Variants in XKR4 observed in about 807,000 individuals in gnomAD.
XKR4 encodes the protein XK-related protein 4.
Under a neutral mutation model 53.9 loss-of-function variants are expected in XKR4, and 12 were observed. The observed-to-expected ratio is 0.22, with a 90% CI of 0.14 to 0.36. The LOEUF (loss-of-function observed/expected upper bound fraction) is 0.36. Among genes scored for constraint, XKR4 ranks in the 10% least tolerant of loss-of-function variants. The pLI, the probability that XKR4 is intolerant of heterozygous loss-of-function variation, is 1.00. For synonymous variants in XKR4, 354 were observed against 362.4 expected, an observed-to-expected ratio of 0.98 and a Z score of 0.26; for missense variants, 799 against 859.5, an observed-to-expected ratio of 0.93 and a Z score of 0.88.
intron 2 of XKR4, among the ~76,000 whole-genome samples, chr8:55,378,690 G>GGA (rs1489103879): frequency 2.0e-5 from 3 of 152,140 alleles, no homozygotes; most frequent in African/African-American, 4.8e-5. Context: ...ATAAAAAGGT[G>GGA]GAGAGAGAGA....
At chr8:55,455,750 G>A (rs962623785) in intron 2 of XKR4, among the ~76,000 whole-genome samples, 9 of 152,176 alleles carry the variant, frequency 5.9e-5, no homozygotes, top group African/African-American at 2.2e-4. Flanking sequence ...AGAAAGCCAG[G>A]TGGGAAAGTA....
chr8:55,425,624 C>G (rs1417439258), intron 2 of XKR4, among the ~76,000 whole-genome samples: 2 of 152,182 alleles, frequency 1.3e-5, no homozygotes, highest in Non-Finnish European at 2.9e-5. Flanking sequence ...TATCTTCTAT[C>G]TGTTGGAGTT....
intron 1 of XKR4, among the ~76,000 whole-genome samples, chr8:55,299,788 G>A (rs4738054): frequency 0.11 from 17,396 of 152,082 alleles, 1,921 homozygotes; most frequent in African/African-American, 0.29. Context: ...TGGGATATAG[G>A]GAAAGCAGCT....
intron 2 of XKR4, chr8:55,453,129 C>T: frequency 3.8e-6 from 2 of 528,342 alleles, no homozygotes; most frequent in Non-Finnish European, 7.6e-6. Flanking sequence ...CCCAGTAGAA[C>T]ACGGCCTCCC....
At chr8:55,127,195 A>C (rs1273880211) in intron 1 of XKR4, among the ~76,000 whole-genome samples, 5 of 151,410 alleles carry the variant, frequency 3.3e-5, no homozygotes, top group Non-Finnish European at 7.4e-5. Flanking sequence ...GTTAAAACCT[A>C]CTGAAGGCTA....
chr8:55,311,314 G>A (rs1819384883), intron 1 of XKR4, among the ~76,000 whole-genome samples: 1 of 152,164 alleles, frequency 6.6e-6, no homozygotes, highest in South Asian at 2.1e-4. Context: ...CCAGGAGAGG[G>A]CCTCAGTTCA....
intron 2 of XKR4, among the ~76,000 whole-genome samples, chr8:55,469,774 A>G (rs1303921037): frequency 6.6e-6 from 1 of 152,136 alleles, no homozygotes; most frequent in Non-Finnish European, 1.5e-5. Context: ...GCTATGAGCT[A>G]ACTAGGAACA....
intron 2 of XKR4, among the ~76,000 whole-genome samples, chr8:55,513,310 G>T (rs746370863): frequency 2.0e-5 from 3 of 152,164 alleles, no homozygotes; most frequent in Non-Finnish European, 4.4e-5. Context: ...ATGTTTTGTG[G>T]CATGTGGGCC....
At position 55,476,749 on chromosome 8, in the gene XKR4, G is replaced by A. The variant is rs367661107; in HGVS notation, c.1007-46532G>A. 8.5e-5 allele frequency among the ~76,000 whole-genome samples: 13 copies of A among 152,224 alleles called. No individual in the cohort carries two copies. The East Asian group carries it at 1.4e-3, about 16-fold the overall frequency. On this transcript the variant is annotated intron_variant, in intron 2 of 2. Coordinates refer to ENST00000327381, the MANE Select transcript of XKR4 (RefSeq NM_052898.2). ...ATGACACACCAGGAGATTATATCCCGCACCTGGCTCAGAGGGTCCTATGCC... is the reference window on the plus strand; with the variant it reads ...ATGACACACCAGGAGATTATATCCCACACCTGGCTCAGAGGGTCCTATGCC...
At chr8:55,449,953 A>C in intron 2 of XKR4, 1 of 862,976 alleles carries the variant, frequency 1.2e-6, no homozygotes, top group Non-Finnish European at 2.0e-6. Context: ...GCTGAGGCTC[A>C]AGGTGGAGCC....
rs1037912038 is a variant in XKR4, at chr8:55,534,223, T to G, written c.*9996T>G. 1 of 152,098 alleles carries G rather than the reference T, an allele frequency of 6.6e-6. No homozygotes were observed. Among genetic ancestry groups the G allele is most frequent in the Non-Finnish European group, 1.5e-5 (1 of 68,018 alleles). The allele number at this position is 152,098 out of a possible 1,614,324, so 9.4% of individuals were successfully genotyped here. On this transcript the variant is annotated 3_prime_UTR_variant, in exon 3 of 3. Transcript: ENST00000327381. The stretch of plus-strand genomic sequence containing the variant: ...AATCTGCATGGGTGCAGCTACTGAA[T>G]AATTTGATTCCTGCCTTCTTAGGTG...
intron 1 of XKR4, among the ~76,000 whole-genome samples, chr8:55,190,812 A>G (rs1328561118): frequency 1.3e-5 from 2 of 152,204 alleles, no homozygotes; most frequent in South Asian, 2.1e-4. Flanking sequence ...AAACTCGTAC[A>G]TGACGTGCAG....
chr8:55,141,053 ACAAT>A (rs921154128), intron 1 of XKR4, among the ~76,000 whole-genome samples: 1 of 152,272 alleles, frequency 6.6e-6, no homozygotes. Context: ...AAACATCACC[ACAAT>A]CAATTTTGTA....
chr8:55,153,136 C>T (rs558254224), intron 1 of XKR4, among the ~76,000 whole-genome samples: 67 of 152,290 alleles, frequency 4.4e-4, no homozygotes, highest in Middle Eastern at 3.4e-3. Context: ...TCAAGGTCCA[C>T]ACTTGCCACA....
intron 1 of XKR4, among the ~76,000 whole-genome samples, chr8:55,131,776 T>A (rs899751582): frequency 6.6e-6 from 1 of 152,080 alleles, no homozygotes. Context: ...GATAGAGTAT[T>A]GCTCTACCGT....
At chr8:55,212,516 G>A (rs1480069409) in intron 1 of XKR4, among the ~76,000 whole-genome samples, 1 of 152,244 alleles carries the variant, frequency 6.6e-6, no homozygotes. Context: ...AATTCCAAGC[G>A]GAGGGAGGTA....
At chr8:55,318,654 A>G (rs1160965636) in intron 1 of XKR4, among the ~76,000 whole-genome samples, 5 of 152,186 alleles carry the variant, frequency 3.3e-5, no homozygotes, top group Non-Finnish European at 1.5e-5. Context: ...TAACATTACA[A>G]TGAATTTTTG....
At chr8:55,514,571 C>A (rs1368599158) in intron 2 of XKR4, among the ~76,000 whole-genome samples, 1 of 152,122 alleles carries the variant, frequency 6.6e-6, no homozygotes, top group Non-Finnish European at 1.5e-5. Flanking sequence ...CTAGCCATGT[C>A]ATTCATGGAC....
At chr8:55,512,833 C>G (rs1806649925) in intron 2 of XKR4, among the ~76,000 whole-genome samples, 2 of 152,136 alleles carry the variant, frequency 1.3e-5, no homozygotes, top group Admixed American at 6.5e-5. Flanking sequence ...CCTTGAGAAA[C>G]TCTCCCACCA....
Sources: allele counts gnomAD v4.1 joint callset (sites outside exome capture counted in the v4.1 genomes callset), GRCh38; gene constraint gnomAD v4.1.1; transcripts MANE v1.5; gene names NCBI Gene and HGNC (gene_info 2026-07-23, HGNC 2026-07-21).